MEGF10: variants seen among roughly 807,000 people sequenced by gnomAD.
MEGF10 encodes multiple epidermal growth factor-like domains protein 10.
In MEGF10, 86 loss-of-function variants were observed where a neutral mutation model predicts 147.5. The observed-to-expected ratio is 0.58, with a 90% confidence interval of 0.49 to 0.70. MEGF10 has a LOEUF of 0.70. MEGF10 is among the 30% of genes least tolerant of loss of function. The probability of loss-of-function intolerance (pLI) is 0.00; values close to 1 mark genes in which losing one functional copy is unlikely to be tolerated. For synonymous variants in MEGF10, 478 were observed against 525.5 expected (o/e 0.91, Z 1.24); for missense variants, 1,329 against 1,487.3 (o/e 0.89, Z 1.75).
Position 127,422,605 on chromosome 5 carries a change from T to C in MEGF10, c.1591-65T>C, listed in dbSNP as rs530439943. On this transcript the variant is annotated intron_variant, in intron 12 of 24. Transcript: ENST00000503335. ...TATGTGAAATGGCTGACAGTGGCCTTTTCCTCTTCTGTTGTGGGATTTCCC... is the reference window on the plus strand; with the variant it reads ...TATGTGAAATGGCTGACAGTGGCCTCTTCCTCTTCTGTTGTGGGATTTCCC... 1.3e-5 allele frequency: 17 copies of C among 1,310,346 alleles called. No homozygotes were observed. In the African/African-American group the frequency reaches 2.2e-4, roughly 17 times the overall value. 81.2% of individuals were successfully genotyped at this position (1,310,346 alleles called of 1,614,324 possible). A position where few individuals can be genotyped will look rare whatever the true frequency, so the allele number is the denominator to read the frequency against.
At chr5:127,380,135 G>A (rs1449348396) in intron 5 of MEGF10, among the ~76,000 whole-genome samples, 1 of 149,234 alleles carries the variant, frequency 6.7e-6, no homozygotes, top group African/African-American at 2.5e-5. Flanking sequence ...GTTTTTGTCT[G>A]TTTTATCCCT....
At chr5:127,442,930 T>C in intron 18 of MEGF10, 68 bp from the exon 19 acceptor site, 1 of 1,534,086 alleles carries the variant, frequency 6.5e-7, no homozygotes, top group Non-Finnish European at 8.9e-7. Context: ...GTGCAGGGCT[T>C]GCAGTCAGAG....
chr5:127,326,371 G>T (rs1197054672), intron 1 of MEGF10, among the ~76,000 whole-genome samples: 1 of 152,138 alleles, frequency 6.6e-6, no homozygotes, highest in East Asian at 1.9e-4. Flanking sequence ...TATAGCACTT[G>T]TACTGTTTGA....
chr5:127,379,860 T>C (rs766269982), intron 5 of MEGF10, among the ~76,000 whole-genome samples: 1 of 151,948 alleles, frequency 6.6e-6, no homozygotes, highest in Non-Finnish European at 1.5e-5. Flanking sequence ...TCAGCTTCTT[T>C]CCAAAGTGCT....
the MEGF10 span, among the ~76,000 whole-genome samples, chr5:127,269,157 T>A: frequency 6.6e-6 from 1 of 152,210 alleles, no homozygotes; most frequent in Non-Finnish European, 1.5e-5. Context: ...GCAGAAATGC[T>A]GAAAATTCTA....
intron 9 of MEGF10, among the ~76,000 whole-genome samples, chr5:127,414,732 G>A (rs1280526335): frequency 6.6e-6 from 1 of 152,152 alleles, no homozygotes; most frequent in African/African-American, 2.4e-5. Flanking sequence ...CATTCAATCT[G>A]CATTTACTGT....
At chr5:127,317,177 T>G (rs531365539) in intron 1 of MEGF10, among the ~76,000 whole-genome samples, 17 of 152,326 alleles carry the variant, frequency 1.1e-4, no homozygotes, top group African/African-American at 3.8e-4. Flanking sequence ...TGGGGTTGTT[T>G]GTTTTTTTCT....
intron 1 of MEGF10, among the ~76,000 whole-genome samples, chr5:127,318,851 GA>G (rs1760674006): frequency 1.3e-5 from 2 of 152,004 alleles, no homozygotes. Flanking sequence ...TAACAGAAGA[GA>G]ATATTTTTAC....
At chr5:127,410,636 G>A (rs372279881) in intron 9 of MEGF10, 35 bp downstream of exon 9, 4 of 1,538,728 alleles carry the variant, frequency 2.6e-6, no homozygotes, top group African/African-American at 2.7e-5. Context: ...GACGTGTCCT[G>A]TGAAAGTTTT....
chr5:127,414,167 A>G (rs930465039), intron 9 of MEGF10, among the ~76,000 whole-genome samples: 1 of 152,080 alleles, frequency 6.6e-6, no homozygotes, highest in African/African-American at 2.4e-5. Context: ...TGACCCCTTT[A>G]TATGTGCCAA....
the MEGF10 span, among the ~76,000 whole-genome samples, chr5:127,272,621 T>A: frequency 6.6e-6 from 1 of 152,232 alleles, no homozygotes; most frequent in African/African-American, 2.4e-5. Flanking sequence ...TGGTTTGTAG[T>A]TCTCCGTGAT....
intron 9 of MEGF10, among the ~76,000 whole-genome samples, chr5:127,412,708 A>C (rs1368000474): frequency 6.6e-6 from 1 of 152,192 alleles, no homozygotes; most frequent in Non-Finnish European, 1.5e-5. Flanking sequence ...AAACAAAAAA[A>C]CTACTCCAAA....
At chr5:127,452,706 C>G (rs1766200571) in intron 22 of MEGF10, among the ~76,000 whole-genome samples, 1 of 152,214 alleles carries the variant, frequency 6.6e-6, no homozygotes, top group Admixed American at 6.5e-5. Flanking sequence ...GTTACACTAT[C>G]CGGTGTATCC....
rs1174955274 is a variant in MEGF10, at chr5:127,303,335, C to CAAAAAAAAAAAAAAA, written c.-19+12285_-19+12299dup. Among the ~76,000 whole-genome samples the CAAAAAAAAAAAAAAA allele has an allele frequency of 7.9e-5, 4 of 50,630 alleles. 1 individual carries two copies. Among genetic ancestry groups the CAAAAAAAAAAAAAAA allele is most frequent in the Non-Finnish European group, 1.4e-4 (3 of 21,224 alleles). The allele number at this position is 50,630 out of a possible 152,430, so 33.2% of individuals were successfully genotyped here. On this transcript the variant is annotated intron_variant, in intron 1 of 24. Coordinates refer to ENST00000503335, the MANE Select transcript of MEGF10 (RefSeq NM_001256545.2). The stretch of plus-strand genomic sequence containing the variant: ...TGGACAACAGATCGAGACTCCATGT[C>CAAAAAAAAAAAAAAA]AAAAAAAAAAAAAAAAAAAAGCAAT...
rs966689979 is a variant in MEGF10, at chr5:127,447,681, G to A, written c.2853G>A (p.Thr951=). 1.7e-5 allele frequency: 27 copies of A among 1,613,940 alleles called. No individual in the cohort carries two copies. Among genetic ancestry groups the A allele is most frequent in the Middle Eastern group, 1.6e-4 (1 of 6,084 alleles). Reference sequence around the variant, plus strand: ...ACAACAGGGACAGGATGACTGTCACGAAGGTGAGAGGAATTGGTTCAAGTC... The same window carrying A: ...ACAACAGGGACAGGATGACTGTCACAAAGGTGAGAGGAATTGGTTCAAGTC... ...HVNNRDRMTV[T]KSKNNQLFVN... Residue 951 remains threonine (T), a synonymous_variant, in exon 21 of 25, where the codon ACG becomes ACA. Coordinates refer to ENST00000503335, the MANE Select transcript of MEGF10 (RefSeq NM_001256545.2).
In MEGF10 at chr5:127,410,617, C is replaced by T; in HGVS notation, c.1130+16C>T. 1 of 1,583,150 alleles carries T rather than the reference C, an allele frequency of 6.3e-7. No homozygotes were observed. The highest frequency in any genetic ancestry group is 8.6e-7 in the Non-Finnish European group (1 of 1,167,126). On this transcript the variant is annotated intron_variant, in intron 9 of 24. Coordinates refer to ENST00000503335, the MANE Select transcript of MEGF10 (RefSeq NM_001256545.2). The stretch of plus-strand genomic sequence containing the variant: ...ACACTCATAGGTGAGTGTCAGCTTC[C>T]CCTGGAAGGACGTGTCCTGTGAAAG...
Position 127,380,620 on chromosome 5 carries a change from C to T in MEGF10, c.412+10618C>T, listed in dbSNP as rs927864299. ...GCAACCCCCGCCTCCTGGGTTCAAACGATTCTCCTGCCTCAGCCTCTCAAG... is the reference window on the plus strand; with the variant it reads ...GCAACCCCCGCCTCCTGGGTTCAAATGATTCTCCTGCCTCAGCCTCTCAAG... On this transcript the variant is annotated intron_variant, in intron 5 of 24. Coordinates refer to ENST00000503335, the MANE Select transcript of MEGF10 (RefSeq NM_001256545.2). Among the ~76,000 whole-genome samples, 3 of 151,882 alleles carry T rather than the reference C, an allele frequency of 2.0e-5. No individual in the cohort carries two copies. In the East Asian group the frequency reaches 5.8e-4, roughly 30 times the overall value.
chr5:127,419,827 G>A (rs1283891590), intron 11 of MEGF10, among the ~76,000 whole-genome samples: 1 of 152,164 alleles, frequency 6.6e-6, no homozygotes, highest in Non-Finnish European at 1.5e-5. Flanking sequence ...TGGCATCCTC[G>A]ACAGATCACA....
intron 2 of MEGF10, among the ~76,000 whole-genome samples, chr5:127,336,137 A>T (rs1761460699): frequency 6.6e-6 from 1 of 151,268 alleles, no homozygotes; most frequent in African/African-American, 2.4e-5. Flanking sequence ...TAACATAGTT[A>T]AATTAGTTGT....
Sources: gnomAD v4.1 joint callset for allele counts (sites outside exome capture counted in the v4.1 genomes callset) on GRCh38, gnomAD v4.1.1 for gene constraint, MANE v1.5 for transcripts, NCBI Gene and HGNC (gene_info 2026-07-23, HGNC 2026-07-21) for gene names.